Variants in CTNND2 observed in about 807,000 individuals in gnomAD.
The protein encoded by CTNND2 is catenin delta 2, also known as catenin delta-2.
In CTNND2, 22 loss-of-function variants were observed where a neutral mutation model predicts 144.4. The observed-to-expected ratio is 0.15, with a 90% confidence interval of 0.11 to 0.22. The LOEUF (loss-of-function observed/expected upper bound fraction) is 0.22, where lower values mean the gene tolerates loss of function less well. CTNND2 is among the 10% of genes least tolerant of loss of function. CTNND2 has a pLI of 1.00. For synonymous variants in CTNND2, 751 were observed against 695.6 expected (o/e 1.08, Z -1.25); for missense variants, 1,353 against 1,618.8 (o/e 0.84, Z 2.82).
intron 3 of CTNND2, among the ~76,000 whole-genome samples, chr5:11,454,747 C>T (rs541433619): frequency 7.9e-5 from 12 of 151,954 alleles, no homozygotes; most frequent in East Asian, 7.8e-4. Context: ...ACTACAGGAA[C>T]GCACCACCAT....
chr5:11,384,897 C>A lies in CTNND2; in HGVS notation c.945G>T (p.Ser315=), dbSNP rs758581617. ...SRLAKSYSTS[S]PINIVVSSAG... is the part of the protein sequence containing the mutation. Reference sequence around the variant, plus strand: ...CCGAGGACACGACGATGTTGATGGGCGAGCTGGTGCTGTAGGACTTGGCCA... The same window carrying A: ...CCGAGGACACGACGATGTTGATGGGAGAGCTGGTGCTGTAGGACTTGGCCA... The change falls in exon 7 of 22, where the codon TCG becomes TCT. Residue 315 remains serine (S), a synonymous_variant. Transcript: ENST00000304623. This position sits in a 1 kb window ranked among gnomAD's most constrained non-coding sequence, Gnocchi z 5.2. 6.2e-7 allele frequency: 1 copy of A among 1,609,964 alleles called. No individual in the cohort carries two copies. Among genetic ancestry groups the A allele is most frequent in the Non-Finnish European group, 8.5e-7 (1 of 1,178,790 alleles).
intron 14 of CTNND2, among the ~76,000 whole-genome samples, chr5:11,103,855 T>G (rs1752155799): frequency 6.6e-6 from 1 of 152,144 alleles, no homozygotes; most frequent in African/African-American, 2.4e-5. Flanking sequence ...ACAAGACTCT[T>G]CTCTGTGAGC....
intron 9 of CTNND2, among the ~76,000 whole-genome samples, chr5:11,268,561 C>A (rs992387395): frequency 6.6e-6 from 1 of 152,148 alleles, no homozygotes; most frequent in Admixed American, 6.5e-5. Context: ...TGCCACTGCA[C>A]TCCAGCCTGG....
At chr5:11,490,736 G>C (rs896390291) in intron 3 of CTNND2, among the ~76,000 whole-genome samples, 2 of 152,254 alleles carry the variant, frequency 1.3e-5, no homozygotes, top group African/African-American at 4.8e-5. Flanking sequence ...GAATATATCA[G>C]GATTGACCAC....
At chr5:11,697,606 A>T (rs111752881) in intron 2 of CTNND2, among the ~76,000 whole-genome samples, 3,334 of 152,328 alleles carry the variant, frequency 0.022, 45 homozygotes, top group East Asian at 0.058. Flanking sequence ...TTATGAGGTG[A>T]TATTATGCCC....
At chr5:11,672,751 T>C (rs1481252610) in intron 2 of CTNND2, among the ~76,000 whole-genome samples, 1 of 150,632 alleles carries the variant, frequency 6.6e-6, no homozygotes, top group Non-Finnish European at 1.5e-5. Context: ...CTGGAGGGAG[T>C]CTCCTGGTCT....
At chr5:11,420,606 G>T (rs1192501845) in intron 3 of CTNND2, among the ~76,000 whole-genome samples, 3 of 152,054 alleles carry the variant, frequency 2.0e-5, no homozygotes, top group Non-Finnish European at 4.4e-5. Context: ...TTCCATTAGC[G>T]CATTATGTCC....
At chr5:11,646,601 T>C (rs1225657068) in intron 2 of CTNND2, among the ~76,000 whole-genome samples, 1 of 151,248 alleles carries the variant, frequency 6.6e-6, no homozygotes, top group Non-Finnish European at 1.5e-5. Flanking sequence ...CAATGATGCA[T>C]GGAAAAGTCC....
chr5:11,636,788 A>C (rs1781730067), intron 2 of CTNND2, among the ~76,000 whole-genome samples: 1 of 152,330 alleles, frequency 6.6e-6, no homozygotes, highest in South Asian at 2.1e-4. Context: ...GAGCAAGTTT[A>C]AGACTTGCAC....
intron 18 of CTNND2, among the ~76,000 whole-genome samples, chr5:11,012,401 G>A (rs769812086): frequency 2.0e-5 from 3 of 152,206 alleles, no homozygotes; most frequent in East Asian, 3.8e-4. Context: ...GGCTTGTCCC[G>A]CTGCTTCCAG....
chr5:11,111,848 AT>A (rs1167662692), intron 13 of CTNND2, among the ~76,000 whole-genome samples: 2,692 of 140,430 alleles, frequency 0.019, 17 homozygotes, highest in Non-Finnish European at 0.026. Flanking sequence ...GAAGGTCTAC[AT>A]TTTTTTTTTT....
chr5:11,097,866 C>A (rs1242780842), intron 15 of CTNND2, among the ~76,000 whole-genome samples: 1 of 152,180 alleles, frequency 6.6e-6, no homozygotes, highest in Non-Finnish European at 1.5e-5. Context: ...TGCCCTCATT[C>A]TTCTAATAGG....
intron 9 of CTNND2, among the ~76,000 whole-genome samples, chr5:11,322,662 TA>T (rs1444356060): frequency 2.2e-4 from 34 of 152,192 alleles, no homozygotes; most frequent in Non-Finnish European, 4.4e-5. Flanking sequence ...AGCTATAGGA[TA>T]AAAAGTGCCC....
At chr5:11,589,834 G>A (rs1023156138) in intron 2 of CTNND2, among the ~76,000 whole-genome samples, 2 of 152,196 alleles carry the variant, frequency 1.3e-5, no homozygotes, top group Non-Finnish European at 2.9e-5. Context: ...CAGAGGTAAC[G>A]CCCCAGTGGA....
At position 11,082,795 on chromosome 5, in the gene CTNND2, G is replaced by A. The variant is rs760357729; in HGVS notation, c.2689C>T (p.Leu897Phe). Residue 897 changes from leucine to phenylalanine, a missense_variant, in exon 16 of 22, where the codon CTC becomes TTC. Leu to Phe is a conservative substitution (Grantham distance 22). This residue lies in a region of CTNND2 where 459 missense variants were observed against 674.3 expected (regional missense o/e 0.68). Coordinates refer to ENST00000304623, the MANE Select transcript of CTNND2 (RefSeq NM_001332.4). ...AVRKEKGLPI[L>F]VELLRIDNDR... is the part of the protein sequence containing the mutation. ...TTGTCTATTCGGAGCAGCTCCACGA[G>A]GATGGGCAGGCCTTTCTCTTTTCGG... 6.2e-7 allele frequency: 1 copy of A among 1,614,058 alleles called. No homozygotes were observed. The highest frequency in any genetic ancestry group is 2.2e-5 in the East Asian group (1 of 44,878).
chr5:11,751,545 T>G (rs1788622020), intron 1 of CTNND2, among the ~76,000 whole-genome samples: 2 of 152,020 alleles, frequency 1.3e-5, no homozygotes, highest in Admixed American at 1.3e-4. Context: ...CCATTCATGT[T>G]GCTTCAATGA....
chr5:11,133,444 G>T (rs113466392), intron 12 of CTNND2, among the ~76,000 whole-genome samples: 2 of 151,842 alleles, frequency 1.3e-5, no homozygotes, highest in African/African-American at 4.8e-5. Context: ...CCTCTGCCTC[G>T]CGGGTTCAAG....
chr5:11,562,057 AAG>A (rs1168622412), intron 3 of CTNND2, among the ~76,000 whole-genome samples: 1 of 152,082 alleles, frequency 6.6e-6, no homozygotes, highest in African/African-American at 2.4e-5. Flanking sequence ...TCAAAAAAAA[AAG>A]AGAGAGAGAT....
At chr5:11,727,179 C>A (rs770300359) in intron 2 of CTNND2, among the ~76,000 whole-genome samples, 1 of 152,186 alleles carries the variant, frequency 6.6e-6, no homozygotes, top group East Asian at 1.9e-4. Context: ...ACTTCAAATG[C>A]AGGTGGTCCC....
Sources: allele counts gnomAD v4.1 joint callset (sites outside exome capture counted in the v4.1 genomes callset), GRCh38; gene constraint gnomAD v4.1.1; regional missense constraint gnomAD v4.1.1; non-coding constraint Gnocchi (gnomAD v3.1); transcripts MANE v1.5; gene names NCBI Gene and HGNC (gene_info 2026-07-23, HGNC 2026-07-21).